SHMT1: variants seen among roughly 807,000 people sequenced by gnomAD.
The protein encoded by SHMT1 is serine hydroxymethyltransferase 1.
In SHMT1, 45 loss-of-function variants were observed where a neutral mutation model predicts 49.0. The observed-to-expected ratio is 0.92, with a 90% CI of 0.72 to 1.18. The LOEUF (loss-of-function observed/expected upper bound fraction) is 1.18, where lower values mean the gene tolerates loss of function less well. Ranked by LOEUF, SHMT1 falls within the 50% of genes most tolerant of loss-of-function variation. SHMT1 has a pLI of 0.00. For synonymous variants in SHMT1, 232 were observed against 246.6 expected, an observed-to-expected ratio of 0.94 and a Z score of 0.55; for missense variants, 541 against 612.4, an observed-to-expected ratio of 0.88 and a Z score of 1.23.
At position 18,335,695 on chromosome 17, in the gene SHMT1, A is replaced by G; in HGVS notation, c.815-20T>C. On this transcript the variant is annotated intron_variant, in intron 7 of 11. Transcript: ENST00000316694. ...TCACTCCTGGAGGAAGAAAAACATCACAGTGGGATCATAGGGGCTGTCCCC... is the reference window on the plus strand; with the variant it reads ...TCACTCCTGGAGGAAGAAAAACATCGCAGTGGGATCATAGGGGCTGTCCCC... 6.5e-7 allele frequency: 1 copy of G among 1,547,204 alleles called. No homozygotes were observed. The highest frequency in any genetic ancestry group is 8.9e-7 in the Non-Finnish European group (1 of 1,119,072).
intron 10 of SHMT1, 97 bp from the exon 11 acceptor site, chr17:18,329,485 T>C: frequency 4.2e-6 from 4 of 942,752 alleles, no homozygotes; most frequent in Non-Finnish European, 6.6e-6. Flanking sequence ...AGAACTGGCC[T>C]GAGGATACTG....
intron 3 of SHMT1, among the ~76,000 whole-genome samples, chr17:18,351,684 G>C (rs1052191482): frequency 6.6e-6 from 1 of 151,982 alleles, no homozygotes; most frequent in Non-Finnish European, 1.5e-5. Context: ...TGAGGCAAGA[G>C]AATCGCTTGA....
intron 7 of SHMT1, among the ~76,000 whole-genome samples, chr17:18,339,702 A>G (rs934693485): frequency 6.6e-6 from 1 of 152,104 alleles, no homozygotes; most frequent in African/African-American, 2.4e-5. Context: ...CTGGGACTAC[A>G]GGTGCCCACC....
rs1390586020 is a variant in SHMT1, at chr17:18,359,862, C to T, written c.-20+3510G>A. 3.3e-5 allele frequency among the ~76,000 whole-genome samples: 5 copies of T among 152,000 alleles called. No homozygotes were observed. In the South Asian group the frequency reaches 6.2e-4, roughly 19 times the overall value. ...TCAGGAGGCTGAGGCAGAAGAATGG[C>T]TTGAACCCAGGAGGCGGAGACTGTA... On this transcript the variant is annotated intron_variant, in intron 1 of 11. Coordinates refer to ENST00000316694, the MANE Select transcript of SHMT1 (RefSeq NM_004169.5).
chr17:18,358,025 G>C (rs1039990670), intron 1 of SHMT1, among the ~76,000 whole-genome samples: 26 of 150,206 alleles, frequency 1.7e-4, no homozygotes, highest in Admixed American at 1.7e-3. Context: ...CACCATGCCT[G>C]GCTAATTTTT....
At position 18,340,189 on chromosome 17, in the gene SHMT1, G is replaced by T; in HGVS notation, c.668C>A (p.Ala223Glu). The part of the protein sequence containing the change: ...RLRKIADENG[A>E]YLMADMAHIS... ...GTGAGCCATGTCCGCCATGAGATAC[G>T]CCCCGTTCTCATCTGCAATCTTCCG... is the stretch of plus-strand genomic sequence containing the variant. Residue 223 changes from alanine to glutamate, a missense_variant, in exon 7 of 12, where the codon GCG becomes GAG. Physicochemically the swap from Ala to Glu is moderately radical, Grantham distance 107. Transcript: ENST00000316694. The surrounding 1 kb of genome is among the most constrained non-coding windows in gnomAD (Gnocchi z 4.5). 4.3e-6 allele frequency: 7 copies of T among 1,614,196 alleles called. No homozygotes were observed. Among genetic ancestry groups the T allele is most frequent in the Non-Finnish European group, 5.9e-6 (7 of 1,180,036 alleles).
chr17:18,350,123 T>TG (rs1291559835), intron 3 of SHMT1, among the ~76,000 whole-genome samples: 1 of 152,056 alleles, frequency 6.6e-6, no homozygotes, highest in Non-Finnish European at 1.5e-5. Flanking sequence ...GGTCAGGAGA[T>TG]GGAGACCATC....
At chr17:18,337,269 T>C (rs1213165334) in intron 7 of SHMT1, among the ~76,000 whole-genome samples, 1 of 152,122 alleles carries the variant, frequency 6.6e-6, no homozygotes, top group Non-Finnish European at 1.5e-5. Context: ...GCGGCAGAGC[T>C]AGTACTTGCT....
chr17:18,357,681 T>C (rs1986365183), intron 1 of SHMT1, among the ~76,000 whole-genome samples: 1 of 152,012 alleles, frequency 6.6e-6, no homozygotes, highest in African/African-American at 2.4e-5. Context: ...CTTTAATGTG[T>C]TAATTTATTT....
At chr17:18,337,842 G>A (rs932856382) in intron 7 of SHMT1, among the ~76,000 whole-genome samples, 4 of 152,166 alleles carry the variant, frequency 2.6e-5, no homozygotes, top group Non-Finnish European at 5.9e-5. Context: ...CCGAGGTGCC[G>A]GGATTGCAGA....
chr17:18,329,175 T>G, intron 11 of SHMT1, 103 bp downstream of exon 11: 1 of 939,890 alleles, frequency 1.1e-6, no homozygotes, highest in Non-Finnish European at 1.7e-6. Context: ...CACTCAGCCT[T>G]GGTGCAGAAT....
intron 2 of SHMT1, among the ~76,000 whole-genome samples, chr17:18,355,026 G>C (rs1363457738): frequency 1.9e-5 from 2 of 107,370 alleles, no homozygotes; most frequent in Non-Finnish European, 3.4e-5. Flanking sequence ...ACTCCAGCCT[G>C]AGCAACAGAG....
intron 2 of SHMT1, 108 bp downstream of exon 2, chr17:18,355,778 A>G: frequency 1.3e-6 from 1 of 742,532 alleles, no homozygotes; most frequent in South Asian, 1.5e-5. Context: ...TAAATCCAGC[A>G]GGATAATACT....
At chr17:18,347,324 C>A (rs1431602202) in intron 5 of SHMT1, among the ~76,000 whole-genome samples, 172 bp downstream of exon 5, 1 of 152,250 alleles carries the variant, frequency 6.6e-6, no homozygotes, top group Non-Finnish European at 1.5e-5. Context: ...TCCATCCCAG[C>A]TGCCCCAGCG....
At chr17:18,357,508 T>C (rs527455135) in intron 1 of SHMT1, among the ~76,000 whole-genome samples, 15 of 152,194 alleles carry the variant, frequency 9.9e-5, no homozygotes, top group Middle Eastern at 3.4e-3. Flanking sequence ...TAGTATTTTA[T>C]AAATGATAAT....
intron 1 of SHMT1, among the ~76,000 whole-genome samples, chr17:18,359,124 G>A (rs767406592): frequency 6.6e-6 from 1 of 151,852 alleles, no homozygotes; most frequent in Non-Finnish European, 1.5e-5. Flanking sequence ...TGTAACCCCA[G>A]CTACTTGGGA....
At chr17:18,356,127 A>G in intron 1 of SHMT1, 127 bp from the exon 2 acceptor site, 1 of 466,650 alleles carries the variant, frequency 2.1e-6, no homozygotes, top group Non-Finnish European at 3.8e-6. Context: ...ATCTCGGCTC[A>G]CTGCAACCTC....
At chr17:18,329,167 C>A in intron 11 of SHMT1, 111 bp downstream of exon 11, 1 of 937,238 alleles carries the variant, frequency 1.1e-6, no homozygotes, top group Non-Finnish European at 1.7e-6. Flanking sequence ...CACCCCAACA[C>A]TCAGCCTTGG....
At chr17:18,357,279 CAAAAAAAAA>C (rs10560620) in intron 1 of SHMT1, among the ~76,000 whole-genome samples, 1 of 89,512 alleles carries the variant, frequency 1.1e-5, no homozygotes, top group Non-Finnish European at 2.1e-5. Context: ...GACTCCACCT[CAAAAAAAAA>C]AAAAAAAAAA....
Sources: gnomAD v4.1 joint callset for allele counts (sites outside exome capture counted in the v4.1 genomes callset) on GRCh38, gnomAD v4.1.1 for gene constraint, Gnocchi (gnomAD v3.1) non-coding constraint, MANE v1.5 for transcripts, NCBI Gene and HGNC (gene_info 2026-07-23, HGNC 2026-07-21) for gene names.